Variants in DLGAP1 observed in about 807,000 individuals in gnomAD.
DLGAP1 encodes the protein DLG associated protein 1, also known as disks large-associated protein 1.
A neutral mutation model predicts 90.8 loss-of-function variants in DLGAP1; 11 were observed. The ratio of observed to expected loss-of-function variants is 0.12; its 90% CI spans 0.08 to 0.20. DLGAP1 has a LOEUF of 0.20. Among genes scored for constraint, DLGAP1 ranks in the 10% least tolerant of loss-of-function variants. The pLI, the probability that DLGAP1 is intolerant of heterozygous loss-of-function variation, is 1.00. For missense variants in DLGAP1, 1,050 were observed against 1,333.8 expected, an observed-to-expected ratio of 0.79 and a Z score of 3.31; for synonymous variants, 558 against 540.7, an observed-to-expected ratio of 1.03 and a Z score of -0.44.
chr18:4,169,875 C>T (rs904713263), intron 1 of DLGAP1, among the ~76,000 whole-genome samples: 3 of 152,168 alleles, frequency 2.0e-5, no homozygotes, highest in Non-Finnish European at 4.4e-5. Flanking sequence ...GGAATCAGAG[C>T]CTGAGTCAAA....
intron 2 of DLGAP1, among the ~76,000 whole-genome samples, chr18:4,009,421 ATTGCC>A (rs2149091973): frequency 6.6e-6 from 1 of 152,340 alleles, no homozygotes; most frequent in South Asian, 2.1e-4. Flanking sequence ...AGCAGCAAAC[ATTGCC>A]TTGCTGTTAC....
chr18:3,936,298 C>A (rs1000042117), intron 3 of DLGAP1, among the ~76,000 whole-genome samples: 15 of 152,342 alleles, frequency 9.8e-5, no homozygotes, highest in African/African-American at 3.6e-4. Flanking sequence ...CATCACCTGG[C>A]CTGGGCCTCT....
intron 10 of DLGAP1, among the ~76,000 whole-genome samples, chr18:3,523,656 G>T (rs974523255): frequency 3.9e-5 from 6 of 151,968 alleles, no homozygotes; most frequent in African/African-American, 4.8e-5. Flanking sequence ...GACCATCCTG[G>T]CTAACACGGT....
chr18:4,182,221 T>C (rs940231041), intron 1 of DLGAP1, among the ~76,000 whole-genome samples: 4 of 152,140 alleles, frequency 2.6e-5, no homozygotes, highest in African/African-American at 2.4e-5. Flanking sequence ...CTGATTGGGC[T>C]GAAGGAATTA....
chr18:4,216,291 ACC>A (rs11334039), intron 1 of DLGAP1, among the ~76,000 whole-genome samples: 87 of 146,320 alleles, frequency 5.9e-4, no homozygotes, highest in African/African-American at 1.8e-3. Flanking sequence ...TGATTAAATT[ACC>A]CCCCCCCCAC....
chr18:3,969,273 C>T (rs1024346886), intron 3 of DLGAP1, among the ~76,000 whole-genome samples: 5 of 152,126 alleles, frequency 3.3e-5, no homozygotes, highest in Non-Finnish European at 7.4e-5. Context: ...TGTAGTCAAT[C>T]AACACACCAA....
chr18:3,743,664 T>G (rs2063151642), intron 5 of DLGAP1, among the ~76,000 whole-genome samples: 1 of 150,304 alleles, frequency 6.7e-6, no homozygotes, highest in African/African-American at 2.5e-5. Flanking sequence ...TTTATTTTAA[T>G]TTTTGAGACA....
intron 9 of DLGAP1, among the ~76,000 whole-genome samples, chr18:3,535,068 T>TTC (rs1340241665): frequency 8.4e-5 from 11 of 130,212 alleles, no homozygotes; most frequent in East Asian, 2.5e-4. Flanking sequence ...CTTCTCAATC[T>TTC]TCTCTGTGTG....
intron 7 of DLGAP1, 136 bp downstream of exon 7, chr18:3,728,999 A>G (rs2062304924): frequency 7.4e-7 from 1 of 1,347,038 alleles, no homozygotes; most frequent in Admixed American, 2.7e-5. Context: ...AGGGAAGGAA[A>G]ACCTTTGGTT....
chr18:4,014,284 C>T (rs2074483231), intron 2 of DLGAP1, among the ~76,000 whole-genome samples: 1 of 152,044 alleles, frequency 6.6e-6, no homozygotes, highest in Non-Finnish European at 1.5e-5. Flanking sequence ...CGGGGTTTCA[C>T]CATGTTGGCC....
At chr18:3,778,180 C>A (rs2065020750) in intron 5 of DLGAP1, among the ~76,000 whole-genome samples, 1 of 152,120 alleles carries the variant, frequency 6.6e-6, no homozygotes, top group Non-Finnish European at 1.5e-5. Flanking sequence ...ATGGCTCATG[C>A]CTGTAATCCC....
chr18:4,020,879 C>T (rs950833679), intron 2 of DLGAP1, among the ~76,000 whole-genome samples: 1 of 152,148 alleles, frequency 6.6e-6, no homozygotes, highest in Non-Finnish European at 1.5e-5. Flanking sequence ...CTGTTGTAAA[C>T]CCTAAGATCA....
chr18:4,343,595 TTAAAA>T (rs2081244730), intron 1 of DLGAP1, among the ~76,000 whole-genome samples: 1 of 152,088 alleles, frequency 6.6e-6, no homozygotes, highest in African/African-American at 2.4e-5. Context: ...CCTTTCTAAA[TTAAAA>T]TGTTACCTCC....
In DLGAP1 at chr18:4,301,508, T is replaced by C. The variant is rs185264064; in HGVS notation, c.-266-150221A>G. ...CATAGTACTCCATTGCATGTGTTTG[T>C]ATATATATATCACAATTTCATCATC... On this transcript the variant is annotated intron_variant, in intron 1 of 12. Transcript: ENST00000315677. 7.9e-5 allele frequency among the ~76,000 whole-genome samples: 12 copies of C among 152,246 alleles called. No homozygotes were observed. In the East Asian group the frequency reaches 2.1e-3, roughly 27 times the overall value.
intron 3 of DLGAP1, among the ~76,000 whole-genome samples, chr18:3,972,643 T>C (rs1228125844): frequency 6.6e-6 from 1 of 152,186 alleles, no homozygotes; most frequent in Non-Finnish European, 1.5e-5. Flanking sequence ...TCCTAACTAA[T>C]CTATTTTTTA....
At chr18:4,381,891 A>C (rs2082128573) in intron 1 of DLGAP1, among the ~76,000 whole-genome samples, 1 of 152,162 alleles carries the variant, frequency 6.6e-6, no homozygotes, top group African/African-American at 2.4e-5. Context: ...GTGGCTGGGG[A>C]GGCCTCACAA....
chr18:3,883,233 G>T (rs893860713), intron 3 of DLGAP1, among the ~76,000 whole-genome samples: 4 of 152,230 alleles, frequency 2.6e-5, no homozygotes, highest in Middle Eastern at 3.2e-3. Context: ...GACAGAGCAA[G>T]ATTCCATCTC....
At chr18:4,253,930 G>A (rs1181351040) in intron 1 of DLGAP1, among the ~76,000 whole-genome samples, 2 of 152,064 alleles carry the variant, frequency 1.3e-5, no homozygotes, top group East Asian at 3.9e-4. Flanking sequence ...CAGTTCTCAG[G>A]TTTGGCAGCC....
intron 7 of DLGAP1, among the ~76,000 whole-genome samples, chr18:3,613,154 A>T (rs1488822898): frequency 6.6e-6 from 1 of 151,944 alleles, no homozygotes; most frequent in South Asian, 2.1e-4. Flanking sequence ...TCCATTTTCT[A>T]TTGCTAATGT....
Sources: gnomAD v4.1 joint callset for allele counts (sites outside exome capture counted in the v4.1 genomes callset) on GRCh38, gnomAD v4.1.1 for gene constraint, MANE v1.5 for transcripts, NCBI Gene and HGNC (gene_info 2026-07-23, HGNC 2026-07-21) for gene names.